TBX15: variants seen among roughly 807,000 people sequenced by gnomAD.
TBX15 encodes the protein T-box transcription factor TBX15.
In TBX15, 18 loss-of-function variants were observed where a neutral mutation model predicts 53.9. The observed-to-expected ratio is 0.33, with a 90% CI of 0.23 to 0.49. The LOEUF (loss-of-function observed/expected upper bound fraction) is 0.49, where lower values mean the gene tolerates loss of function less well. TBX15 is among the 20% of genes least tolerant of loss of function. The pLI is 0.98. For synonymous variants in TBX15, 295 were observed against 278.0 expected, an observed-to-expected ratio of 1.06 and a Z score of -0.61; for missense variants, 692 against 749.5, an observed-to-expected ratio of 0.92 and a Z score of 0.90.
chr1:118,885,547 CAG>C lies in TBX15; in HGVS notation c.1025-33_1025-32del, dbSNP rs1374640866. On this transcript the variant is annotated intron_variant, in intron 7 of 7. Transcript: ENST00000369429. ...AAATAAAACGTGAATACTATTGAGA[CAG>C]AGTCTTTTAAGATGAGTCTGCCTAA... 47 of 1,553,236 alleles carry C rather than the reference CAG, an allele frequency of 3.0e-5. 1 individual carries two copies. Among genetic ancestry groups the C allele is most frequent in the Non-Finnish European group, 3.7e-5 (43 of 1,148,346 alleles).
intron 1 of TBX15, among the ~76,000 whole-genome samples, chr1:118,937,214 TACAA>T (rs748427336): frequency 2.6e-4 from 40 of 152,274 alleles, no homozygotes; most frequent in Non-Finnish European, 3.7e-4. Flanking sequence ...TTCAGAGAAT[TACAA>T]ACAAACTGGT....
At chr1:118,935,835 C>T (rs1317527667) in intron 1 of TBX15, among the ~76,000 whole-genome samples, 3 of 152,084 alleles carry the variant, frequency 2.0e-5, no homozygotes, top group Admixed American at 1.3e-4. Context: ...TACACATTAC[C>T]TAATATTGTC....
chr1:118,914,428 C>T (rs1417427666), intron 5 of TBX15, among the ~76,000 whole-genome samples: 1 of 152,194 alleles, frequency 6.6e-6, no homozygotes, highest in Non-Finnish European at 1.5e-5. Flanking sequence ...CTCTCTCCTA[C>T]TCACCTTCCT....
intron 2 of TBX15, among the ~76,000 whole-genome samples, chr1:118,929,293 G>A (rs1256562599): frequency 6.6e-6 from 1 of 152,040 alleles, no homozygotes; most frequent in Admixed American, 6.6e-5. Flanking sequence ...GTAAGAAAAA[G>A]GAGAGAAAGC....
At chr1:118,889,739 G>A (rs978574775) in intron 7 of TBX15, among the ~76,000 whole-genome samples, 50 of 152,144 alleles carry the variant, frequency 3.3e-4, no homozygotes, top group Middle Eastern at 3.4e-3. Context: ...TGAGAAATAG[G>A]TAAGATATAA....
chr1:118,883,648 C>T lies in TBX15; in HGVS notation c.*1084G>A, dbSNP rs975505355. On this transcript the variant is annotated 3_prime_UTR_variant, in exon 8 of 8. Transcript: ENST00000369429. ...CACCCTTTTATTTTCCTTCCCCTACCAGGCTGCATGCTGTGGAATCAGCAC... is the reference window on the plus strand; with the variant it reads ...CACCCTTTTATTTTCCTTCCCCTACTAGGCTGCATGCTGTGGAATCAGCAC... 6.6e-6 allele frequency: 1 copy of T among 152,240 alleles called. No individual in the cohort carries two copies. Among genetic ancestry groups the T allele is most frequent in the African/African-American group, 2.4e-5 (1 of 41,446 alleles). 9.4% of individuals were successfully genotyped at this position (152,240 alleles called of 1,614,324 possible). A position where few individuals can be genotyped will look rare whatever the true frequency, so the allele number is the denominator to read the frequency against.
In TBX15 at chr1:118,968,030, A is replaced by G. The variant is rs1657110914; in HGVS notation, c.205+19561T>C. On this transcript the variant is annotated intron_variant, in intron 1 of 7. Transcript: ENST00000369429. ...ACAGTAATGAATATTCTCAGTTATG[A>G]CATTTGTTTGTATACTGGTAGAACT... Among the ~76,000 whole-genome samples, 3 of 152,208 alleles carry G rather than the reference A, an allele frequency of 2.0e-5. No individual in the cohort carries two copies. The South Asian group carries it at 6.2e-4, about 31-fold the overall frequency.
chr1:118,947,857 A>G (rs1656395076), intron 1 of TBX15, among the ~76,000 whole-genome samples: 1 of 152,178 alleles, frequency 6.6e-6, no homozygotes, highest in Admixed American at 6.6e-5. Flanking sequence ...GCAGTACTTC[A>G]TTTACTCTTG....
At chr1:118,930,638 A>C (rs759350975) in intron 2 of TBX15, among the ~76,000 whole-genome samples, 15 of 152,152 alleles carry the variant, frequency 9.9e-5, no homozygotes, top group Non-Finnish European at 1.9e-4. Context: ...CTTGTCTCGA[A>C]CTCCTGACCT....
At chr1:118,931,415 A>G (rs558645375) in intron 2 of TBX15, among the ~76,000 whole-genome samples, 1 of 152,336 alleles carries the variant, frequency 6.6e-6, no homozygotes, top group African/African-American at 2.4e-5. Flanking sequence ...CATGACTTAC[A>G]TTTGATTGGC....
Position 118,926,914 on chromosome 1 carries a change from T to C in TBX15, c.420-303A>G, listed in dbSNP as rs12134578. Among the ~76,000 whole-genome samples the C allele has an allele frequency of 0.13, 19,487 of 151,214 alleles. 1,771 individuals carry two copies. Among genetic ancestry groups the C allele is most frequent in the Non-Finnish European group, 0.18 (12,165 of 67,888 alleles). On this transcript the variant is annotated intron_variant, in intron 2 of 7. Transcript: ENST00000369429. ...TGTGTGTGTGTGTGTTTAGTAGAGA[T>C]GGGGTTTCACCATATTAGCCAGGCT...
intron 1 of TBX15, among the ~76,000 whole-genome samples, chr1:118,962,003 C>T (rs1390696854): frequency 6.6e-6 from 1 of 152,184 alleles, no homozygotes; most frequent in Non-Finnish European, 1.5e-5. Context: ...CAGTCAACTT[C>T]TACTTTTCCA....
chr1:118,960,736 G>A (rs1164160528), intron 1 of TBX15, among the ~76,000 whole-genome samples: 2 of 152,168 alleles, frequency 1.3e-5, no homozygotes, highest in African/African-American at 4.8e-5. Flanking sequence ...CCAAAGTCCA[G>A]GCTGGTGTGA....
chr1:118,975,295 T>G (rs1435074587), intron 1 of TBX15, among the ~76,000 whole-genome samples: 1 of 152,148 alleles, frequency 6.6e-6, no homozygotes, highest in Non-Finnish European at 1.5e-5. Flanking sequence ...AAAAGACCTT[T>G]ACTAGCAGGT....
Position 118,980,330 on chromosome 1 carries a change from TA to T in TBX15, c.205+7260del, listed in dbSNP as rs982891417. On this transcript the variant is annotated intron_variant, in intron 1 of 7. Transcript: ENST00000369429. Reference sequence around the variant, plus strand: ...GTTCATCCAGTTGACAACTAAAAGCTAAAAAAACTCCAAGGCTCCGGGCTAG... The same window carrying T: ...GTTCATCCAGTTGACAACTAAAAGCTAAAAAACTCCAAGGCTCCGGGCTAG... Among the ~76,000 whole-genome samples, 96 of 152,092 alleles carry T rather than the reference TA, an allele frequency of 6.3e-4. 2 individuals carry two copies. The highest frequency in any genetic ancestry group is 1.5e-4 in the Non-Finnish European group (10 of 67,996).
chr1:118,958,333 G>A (rs1656759671), intron 1 of TBX15, among the ~76,000 whole-genome samples: 1 of 152,148 alleles, frequency 6.6e-6, no homozygotes, highest in Non-Finnish European at 1.5e-5. Context: ...ACCTTGACCT[G>A]GGACTTTTAG....
At chr1:118,972,598 C>G (rs543120070) in intron 1 of TBX15, among the ~76,000 whole-genome samples, 1 of 151,914 alleles carries the variant, frequency 6.6e-6, no homozygotes, top group Non-Finnish European at 1.5e-5. Flanking sequence ...GTTTCTTTTC[C>G]TTTCTTTTCT....
chr1:118,884,589 T>C lies in TBX15; in HGVS notation c.*143A>G, dbSNP rs948144937. On this transcript the variant is annotated 3_prime_UTR_variant, in exon 8 of 8. Transcript: ENST00000369429. Reference sequence around the variant, plus strand: ...CTTAAAGGTATCTCTTGTTCTTGGGTATATGTCTTCGGCCAGAAAAAAAAA... The same window carrying C: ...CTTAAAGGTATCTCTTGTTCTTGGGCATATGTCTTCGGCCAGAAAAAAAAA... The C allele has an allele frequency of 5.0e-6, 5 of 991,898 alleles. No individual in the cohort carries two copies. The African/African-American group carries it at 6.8e-5, about 13-fold the overall frequency. 61.4% of individuals were successfully genotyped at this position (991,898 alleles called of 1,614,324 possible).
chr1:118,901,250 T>G, intron 6 of TBX15: 1 of 420,748 alleles, frequency 2.4e-6, no homozygotes, highest in Middle Eastern at 3.5e-4. Flanking sequence ...GGGGCCTTTG[T>G]GCTGAGTCAT....
Sources: gnomAD v4.1 joint callset for allele counts (sites outside exome capture counted in the v4.1 genomes callset) on GRCh38, gnomAD v4.1.1 for gene constraint, MANE v1.5 for transcripts, NCBI Gene and HGNC (gene_info 2026-07-23, HGNC 2026-07-21) for gene names.